The following ACSM2A variants were observed in gnomAD, a reference collection of about 807,000 sequenced individuals.
The protein encoded by ACSM2A is acyl-coenzyme A synthetase ACSM2A, mitochondrial.
In ACSM2A, 72 loss-of-function variants were observed where a neutral mutation model predicts 76.6. The ratio of observed to expected loss-of-function variants is 0.94; its 90% confidence interval spans 0.78 to 1.14. The LOEUF (loss-of-function observed/expected upper bound fraction) is 1.14, where lower values mean the gene tolerates loss of function less well. Among genes scored for constraint, ACSM2A ranks in the 50% most tolerant of loss-of-function variants. The pLI is 0.00. For synonymous variants in ACSM2A, 249 were observed against 255.9 expected (o/e 0.97, Z 0.26); for missense variants, 684 against 708.5 (o/e 0.97, Z 0.39).
intron 3 of ACSM2A, among the ~76,000 whole-genome samples, chr16:20,466,114 T>C (rs11647451): frequency 6.6e-6 from 1 of 151,428 alleles, no homozygotes; most frequent in South Asian, 2.1e-4. Context: ...TTTTTGTAAA[T>C]AAAGTTTTAT....
chr16:20,474,250 C>G (rs1296060072), intron 6 of ACSM2A: 7 of 251,938 alleles, frequency 2.8e-5, no homozygotes, highest in Non-Finnish European at 5.5e-5. Context: ...CTTTCATCAA[C>G]AAACTCAATC....
chr16:20,461,723 A>C (rs139680444), intron 2 of ACSM2A, among the ~76,000 whole-genome samples: 1 of 152,162 alleles, frequency 6.6e-6, no homozygotes, highest in South Asian at 2.1e-4. Flanking sequence ...CTCATAATAA[A>C]AGTAATGCAA....
chr16:20,483,601 A>AAAAAAAAAT (rs1432023504), intron 13 of ACSM2A, among the ~76,000 whole-genome samples: 1 of 141,118 alleles, frequency 7.1e-6, no homozygotes, highest in Non-Finnish European at 1.5e-5. Context: ...AAAAAAAAAA[A>AAAAAAAAAT]AGTCTTTCTA....
chr16:20,454,908 A>G (rs868192059), intron 1 of ACSM2A, among the ~76,000 whole-genome samples: 1 of 151,426 alleles, frequency 6.6e-6, no homozygotes, highest in South Asian at 2.1e-4. Flanking sequence ...AGGAAAAAAA[A>G]AAATACAAGT....
chr16:20,483,791 C>G (rs1208828069), intron 13 of ACSM2A, among the ~76,000 whole-genome samples: 1 of 152,020 alleles, frequency 6.6e-6, no homozygotes, highest in Non-Finnish European at 1.5e-5. Context: ...GTGCAACGCT[C>G]AGTTGCAAGT....
intron 2 of ACSM2A, among the ~76,000 whole-genome samples, chr16:20,462,486 T>C (rs1371179446): frequency 1.3e-5 from 2 of 152,188 alleles, no homozygotes; most frequent in Admixed American, 1.3e-4. Flanking sequence ...ACAACTCTAT[T>C]AGCAAGGCTG....
intron 3 of ACSM2A, 128 bp from the exon 4 acceptor site, chr16:20,469,384 C>A: frequency 6.8e-7 from 1 of 1,471,406 alleles, no homozygotes; most frequent in Non-Finnish European, 9.0e-7. Flanking sequence ...TTTATTGACA[C>A]TCTCTATTGG....
chr16:20,473,364 T>A (rs1006253059), intron 6 of ACSM2A, among the ~76,000 whole-genome samples: 16 of 152,130 alleles, frequency 1.1e-4, no homozygotes, highest in African/African-American at 2.9e-4. Flanking sequence ...CATAAAATTA[T>A]AAAGCCCATT....
At chr16:20,484,165 C>A (rs1275425904) in intron 13 of ACSM2A, among the ~76,000 whole-genome samples, 1 of 150,260 alleles carries the variant, frequency 6.7e-6, no homozygotes, top group Non-Finnish European at 1.5e-5. Flanking sequence ...GCCAAGTCAT[C>A]CTCAGAGAAA....
intron 1 of ACSM2A, among the ~76,000 whole-genome samples, chr16:20,458,867 C>A (rs2012382199): frequency 1.6e-5 from 2 of 124,456 alleles, no homozygotes; most frequent in Admixed American, 9.0e-5. Context: ...TAGGTATATA[C>A]TATATAATAC....
intron 2 of ACSM2A, among the ~76,000 whole-genome samples, chr16:20,460,540 A>G (rs1225414703): frequency 2.0e-5 from 3 of 152,084 alleles, no homozygotes; most frequent in Non-Finnish European, 4.4e-5. Context: ...GTTTGTTTAC[A>G]CTATATGTAG....
At chr16:20,457,136 A>G (rs2012222698) in intron 1 of ACSM2A, among the ~76,000 whole-genome samples, 1 of 151,886 alleles carries the variant, frequency 6.6e-6, no homozygotes, top group Non-Finnish European at 1.5e-5. Flanking sequence ...ACCAATAACA[A>G]GCAGCGAGAT....
intron 2 of ACSM2A, among the ~76,000 whole-genome samples, chr16:20,464,858 G>T (rs2012880327): frequency 6.6e-6 from 1 of 152,108 alleles, no homozygotes; most frequent in Non-Finnish European, 1.5e-5. Flanking sequence ...GGAGATGGAT[G>T]GTGGTGATTG....
intron 8 of ACSM2A, chr16:20,476,252 T>C: frequency 1.0e-6 from 1 of 994,630 alleles, no homozygotes; most frequent in Non-Finnish European, 1.2e-6. Context: ...CATATCTTCT[T>C]GGAACTCTTG....
At chr16:20,455,229 A>T (rs1335554502) in intron 1 of ACSM2A, among the ~76,000 whole-genome samples, 1 of 151,544 alleles carries the variant, frequency 6.6e-6, no homozygotes, top group East Asian at 1.9e-4. Context: ...TATTCAAGGA[A>T]ATAATCAAGG....
Position 20,483,149 on chromosome 16 carries a change from T to G in ACSM2A, c.1601T>G (p.Val534Gly), listed in dbSNP as rs1044216347. 1.2e-6 allele frequency: 2 copies of G among 1,613,988 alleles called. No individual in the cohort carries two copies. The highest frequency in any genetic ancestry group is 1.7e-6 in the Non-Finnish European group (2 of 1,179,984). ...TKELQQHVKS[V>G]TAPYKYPRKI... Reference sequence around the variant, plus strand: ...GAGCTGCAGCAGCATGTGAAGTCAGTGACAGCCCCATACAAGTACCCAAGA... The same window carrying G: ...GAGCTGCAGCAGCATGTGAAGTCAGGGACAGCCCCATACAAGTACCCAAGA... Residue 534 changes from valine (V) to glycine (G), a missense_variant, in exon 13 of 14, where the codon GTG becomes GGG. By Grantham distance (109) the Val-to-Gly change is moderately radical. Around this residue, in one of 3 missense-constraint regions of ACSM2A, gnomAD observed 159 missense variants for 132.5 expected, o/e 1.20. Transcript: ENST00000573854.
rs1381994378 is a variant in ACSM2A at position 20,477,396 on chromosome 16, A to G, written c.1126A>G (p.Met376Val). The stretch of plus-strand genomic sequence containing the variant: ...ATTAACTTGCATGGTTTCCAAGACA[A>G]TGAAAATCAAACCAGGATACATGGG... ...TGLTCMVSKT[M>V]KIKPGYMGTA... Residue 376 changes from methionine to valine, a missense_variant, in exon 9 of 14, where the codon ATG becomes GTG. Around this residue, in one of 3 missense-constraint regions of ACSM2A, gnomAD observed 519 missense variants for 549.5 expected, o/e 0.94. Transcript: ENST00000573854. 20 of 1,610,008 alleles carry G rather than the reference A, an allele frequency of 1.2e-5. No individual in the cohort carries two copies. The highest frequency in any genetic ancestry group is 1.6e-5 in the Non-Finnish European group (19 of 1,177,510).
chr16:20,465,518 C>G lies in ACSM2A; in HGVS notation c.179C>G (p.Ala60Gly). 6.2e-7 allele frequency: 1 copy of G among 1,613,848 alleles called. No homozygotes were observed. Among genetic ancestry groups the G allele is most frequent in the Non-Finnish European group, 8.5e-7 (1 of 1,179,798 alleles). The change falls in exon 3 of 14, where the codon GCT becomes GGT. Residue 60 changes from alanine to glycine, a missense_variant and splice_region_variant. This residue lies in a region of ACSM2A where 519 missense variants were observed against 549.5 expected (regional missense o/e 0.94). Transcript: ENST00000573854. ...VLDHWADMEKAGKRLPSPALW... is the reference protein window; with the variant it reads ...VLDHWADMEKGGKRLPSPALW... ...TCAACAGGGCTTCTCTTTCCTCAGG[C>G]TGGCAAGCGACTCCCAAGCCCAGCC... is the stretch of plus-strand genomic sequence containing the variant.
At chr16:20,475,100 A>G (rs2013653345) in intron 6 of ACSM2A, among the ~76,000 whole-genome samples, 1 of 152,220 alleles carries the variant, frequency 6.6e-6, no homozygotes, top group Non-Finnish European at 1.5e-5. Context: ...GCAGGAACAG[A>G]CATCCAGGAT....
Sources: gnomAD v4.1 joint callset for allele counts (sites outside exome capture counted in the v4.1 genomes callset) on GRCh38, gnomAD v4.1.1 for gene constraint, gnomAD v4.1.1 regional missense constraint, MANE v1.5 for transcripts, NCBI Gene and HGNC (gene_info 2026-07-23, HGNC 2026-07-21) for gene names.